PDE9A: variants seen among roughly 807,000 people sequenced by gnomAD.
The protein encoded by PDE9A is phosphodiesterase 9A.
A neutral mutation model predicts 87.4 loss-of-function variants in PDE9A; 60 were observed. The ratio of observed to expected loss-of-function variants is 0.69; its 90% CI spans 0.56 to 0.85. PDE9A has a LOEUF of 0.85. Ranked by LOEUF, PDE9A falls within the 40% of genes least tolerant of loss-of-function variation. The pLI is 0.00. For missense variants in PDE9A, 665 were observed against 779.0 expected (o/e 0.85, Z 1.74); for synonymous variants, 272 against 279.4 (o/e 0.97, Z 0.27).
At chr21:42,708,368 A>G (rs2049012790) in intron 4 of PDE9A, among the ~76,000 whole-genome samples, 1 of 152,142 alleles carries the variant, frequency 6.6e-6, no homozygotes, top group African/African-American at 2.4e-5. Flanking sequence ...AGATTTGAGT[A>G]AAATGGAGAT....
chr21:42,664,285 G>A (rs932065315), intron 1 of PDE9A, among the ~76,000 whole-genome samples: 15 of 152,206 alleles, frequency 9.9e-5, no homozygotes, highest in Admixed American at 7.2e-4. Flanking sequence ...CTGATGACAC[G>A]GGGCACGTTG....
chr21:42,768,806 C>T, intron 16 of PDE9A: 1 of 985,464 alleles, frequency 1.0e-6, no homozygotes. Context: ...CAACTCACCT[C>T]TGCCTATCTC....
chr21:42,664,038 G>A (rs2057788891), intron 1 of PDE9A, among the ~76,000 whole-genome samples: 1 of 152,250 alleles, frequency 6.6e-6, no homozygotes, highest in Admixed American at 6.5e-5. Context: ...AGCCCCCAGA[G>A]GACGGCCCGG....
In PDE9A at chr21:42,740,452, A is replaced by G. The variant is rs7281920; in HGVS notation, c.569-3324A>G. On this transcript the variant is annotated intron_variant, in intron 7 of 19. Transcript: ENST00000291539. The stretch of plus-strand genomic sequence containing the variant: ...GGGCAAGCCCCTGTCTCAAAAAAAA[A>G]AAAAGAAAAGAAAAGAAAGATAGGT... Among the ~76,000 whole-genome samples, 477 of 152,120 alleles carry G rather than the reference A, an allele frequency of 3.1e-3. 3 individuals carry two copies. The highest frequency in any genetic ancestry group is 0.011 in the African/African-American group (451 of 41,478).
intron 3 of PDE9A, among the ~76,000 whole-genome samples, chr21:42,693,304 T>C (rs1426807915): frequency 6.6e-6 from 1 of 151,402 alleles, no homozygotes; most frequent in Non-Finnish European, 1.5e-5. Flanking sequence ...GGAATCTTTT[T>C]TTTTTTTTTT....
intron 1 of PDE9A, among the ~76,000 whole-genome samples, chr21:42,680,376 A>C (rs1045634961): frequency 7.9e-5 from 12 of 152,370 alleles, no homozygotes; most frequent in Admixed American, 2.0e-4. Flanking sequence ...CATGCGCAGG[A>C]CAGCTGGCCG....
intron 1 of PDE9A, among the ~76,000 whole-genome samples, chr21:42,674,348 A>G (rs893005859): frequency 6.4e-5 from 8 of 124,964 alleles, no homozygotes; most frequent in African/African-American, 2.5e-4. Context: ...CAGGGTCTCC[A>G]TTTGTGGCCC....
chr21:42,714,332 C>T (rs1039218707), intron 4 of PDE9A, among the ~76,000 whole-genome samples: 15 of 152,146 alleles, frequency 9.9e-5, no homozygotes, highest in Non-Finnish European at 1.9e-4. Context: ...TTTTATTTTA[C>T]GTACAGATCT....
chr21:42,766,913 C>T (rs1044110194), intron 15 of PDE9A, among the ~76,000 whole-genome samples: 2 of 152,286 alleles, frequency 1.3e-5, no homozygotes, highest in Non-Finnish European at 2.9e-5. Flanking sequence ...GCCAGAGGAT[C>T]GGGTGCCAGG....
At position 42,760,098 on chromosome 21, in the gene PDE9A, C is replaced by T. The variant is rs2055542803; in HGVS notation, c.898-230C>T. ...TGCAGGGTGAAACCCCTGGTGGGAG[C>T]TCTGTCCCCACACCTGCCCCGGGTG... is the stretch of plus-strand genomic sequence containing the variant. On this transcript the variant is annotated intron_variant, in intron 11 of 19. Transcript: ENST00000291539. This position sits in a 1 kb window ranked among gnomAD's most constrained non-coding sequence, Gnocchi z 5.2. 6.6e-6 allele frequency among the ~76,000 whole-genome samples: 1 copy of T among 152,036 alleles called. No homozygotes were observed. The highest frequency in any genetic ancestry group is 2.4e-5 in the African/African-American group (1 of 41,376).
rs1468795005 is a variant in PDE9A at position 42,722,190 on chromosome 21, A to G, written c.263-9580A>G. The stretch of plus-strand genomic sequence containing the variant: ...ACGGAGTTTCACCATGTTGGCCAGG[A>G]TGGTCTTGAACTTCTGACCTCATGA... On this transcript the variant is annotated intron_variant, in intron 4 of 19. Transcript: ENST00000291539. This position sits in a 1 kb window ranked among gnomAD's most constrained non-coding sequence, Gnocchi z 4.1. Among the ~76,000 whole-genome samples, 2 of 152,050 alleles carry G rather than the reference A, an allele frequency of 1.3e-5. No homozygotes were observed. The highest frequency in any genetic ancestry group is 4.8e-5 in the African/African-American group (2 of 41,420).
intron 4 of PDE9A, among the ~76,000 whole-genome samples, chr21:42,730,879 T>C (rs548722725): frequency 6.6e-6 from 1 of 152,362 alleles, no homozygotes; most frequent in East Asian, 1.9e-4. Flanking sequence ...TCAGTGCTTG[T>C]GAACATTTTT....
intron 1 of PDE9A, 83 bp from the exon 2 acceptor site, chr21:42,686,109 C>A: frequency 1.0e-6 from 1 of 964,216 alleles, no homozygotes; most frequent in Non-Finnish European, 1.7e-6. Context: ...CAGTTTGGAG[C>A]CGAAGCGGAA....
chr21:42,711,054 T>TA (rs1169949160), intron 4 of PDE9A, among the ~76,000 whole-genome samples: 3 of 152,218 alleles, frequency 2.0e-5, no homozygotes, highest in African/African-American at 7.2e-5. Flanking sequence ...TGTCACTGGT[T>TA]TGTAGGAAAC....
chr21:42,683,108 G>C (rs146349937), intron 1 of PDE9A, among the ~76,000 whole-genome samples: 2 of 152,194 alleles, frequency 1.3e-5, no homozygotes, highest in Non-Finnish European at 2.9e-5. Flanking sequence ...ACAACGACAC[G>C]CATGATGCCA....
rs34695329 is a variant in PDE9A at position 42,759,382 on chromosome 21, CGT to C, written c.897+311_897+312del. Among the ~76,000 whole-genome samples the C allele has an allele frequency of 1.3e-4, 20 of 149,148 alleles. No homozygotes were observed. Among genetic ancestry groups the C allele is most frequent in the East Asian group, 2.0e-4 (1 of 5,054 alleles). ...GTCCTAAAGCAGCGGTGTGTGGGAG[CGT>C]GTGTGTGTGTGTGGGAGCGTGTGTG... On this transcript the variant is annotated intron_variant, in intron 11 of 19. Coordinates refer to ENST00000291539, the MANE Select transcript of PDE9A (RefSeq NM_002606.3). This position sits in a 1 kb window ranked among gnomAD's most constrained non-coding sequence, Gnocchi z 7.2.
intron 9 of PDE9A, 151 bp downstream of exon 9, chr21:42,751,348 G>T: frequency 1.5e-6 from 1 of 682,956 alleles, no homozygotes; most frequent in Non-Finnish European, 2.6e-6. Flanking sequence ...GTTACTTTAA[G>T]GCAAAGTATT....
intron 3 of PDE9A, chr21:42,697,568 C>T (rs1190881869): frequency 2.2e-6 from 2 of 911,864 alleles, no homozygotes; most frequent in African/African-American, 1.6e-5. Context: ...TGAACTTAAA[C>T]AGCTAGACAT....
At chr21:42,746,746 T>TGA (rs1187451735) in intron 8 of PDE9A, among the ~76,000 whole-genome samples, 2 of 152,312 alleles carry the variant, frequency 1.3e-5, no homozygotes, top group East Asian at 3.9e-4. Flanking sequence ...GGAACTCCAG[T>TGA]GAGACATCAG....
Sources: gnomAD v4.1 joint callset for allele counts (sites outside exome capture counted in the v4.1 genomes callset) on GRCh38, gnomAD v4.1.1 for gene constraint, Gnocchi (gnomAD v3.1) non-coding constraint, MANE v1.5 for transcripts, NCBI Gene and HGNC (gene_info 2026-07-23, HGNC 2026-07-21) for gene names.